Variants in GSG1L2 observed in about 807,000 individuals in gnomAD.
The protein encoded by GSG1L2 is germ cell-specific gene 1-like protein 2.
A neutral mutation model predicts 9.0 loss-of-function variants in GSG1L2; 15 were observed. That is an observed-to-expected ratio of 1.67 (90% CI 1.12 to 2.57). The LOEUF is 2.57. Among genes scored for constraint, GSG1L2 ranks in the 30% most tolerant of loss-of-function variants. The probability of loss-of-function intolerance (pLI) is 0.00; values close to 1 mark genes in which losing one functional copy is unlikely to be tolerated. For missense variants in GSG1L2, 286 were observed against 150.3 expected (o/e 1.90, Z -4.72); for synonymous variants, 127 against 57.9 (o/e 2.19, Z -5.41).
chr17:9,806,951 G>A (rs2066518288), intron 4 of GSG1L2, among the ~76,000 whole-genome samples: 1 of 152,186 alleles, frequency 6.6e-6, no homozygotes, highest in Non-Finnish European at 1.5e-5. Flanking sequence ...TTACAAAGAG[G>A]AAAGTAACAT....
At chr17:9,811,196 A>G (rs2066537668) in intron 1 of GSG1L2, 1 of 152,610 alleles carries the variant, frequency 6.6e-6, no homozygotes, top group Non-Finnish European at 1.5e-5. Context: ...GGAAATGATC[A>G]AAGTTCGCAA....
intron 1 of GSG1L2, among the ~76,000 whole-genome samples, chr17:9,811,853 C>A (rs1384932334): frequency 6.6e-6 from 1 of 152,152 alleles, no homozygotes; most frequent in Non-Finnish European, 1.5e-5. Flanking sequence ...AGGAAAGGTG[C>A]CGGGGGTGCA....
rs1433170141 is a variant in GSG1L2 at position 9,802,583 on chromosome 17, T to C, written c.685A>G (p.Thr229Ala). The part of the protein sequence containing the change: ...AVSVSAMSRF[T>A]AARLEFTEKQ... ...TCGGTGAATTCCAGGCGGGCTGCCG[T>C]GAACCTGCTCATGGCCGAGACCGAC... The change falls in exon 5 of 5, where the codon ACG becomes GCG. Residue 229 changes from threonine (T) to alanine (A), a missense_variant. By Grantham distance (58) the Thr-to-Ala change is moderately conservative. Transcript: ENST00000399363. 3 of 701,932 alleles carry C rather than the reference T, an allele frequency of 4.3e-6. No individual in the cohort carries two copies. The highest frequency in any genetic ancestry group is 7.8e-6 in the Non-Finnish European group (3 of 384,712). 43.5% of individuals were successfully genotyped at this position (701,932 alleles called of 1,614,324 possible). A position where few individuals can be genotyped will look rare whatever the true frequency, so the allele number is the denominator to read the frequency against.
At chr17:9,819,259 A>G (rs1256318406) in intron 1 of GSG1L2, among the ~76,000 whole-genome samples, 1 of 152,268 alleles carries the variant, frequency 6.6e-6, no homozygotes, top group African/African-American at 2.4e-5. Context: ...CTTTGATGCT[A>G]TAATGAACAA....
chr17:9,815,475 TA>T (rs1359141999), intron 1 of GSG1L2, among the ~76,000 whole-genome samples: 1 of 152,134 alleles, frequency 6.6e-6, no homozygotes, highest in African/African-American at 2.4e-5. Context: ...TAATCCTTAT[TA>T]AAAAAATCTC....
At position 9,801,029 on chromosome 17, in the gene GSG1L2, A is replaced by AT. The variant is rs953088756; in HGVS notation, c.*1356dup. On this transcript the variant is annotated 3_prime_UTR_variant, in exon 5 of 5. Coordinates refer to ENST00000399363, the MANE Select transcript of GSG1L2 (RefSeq NM_001310219.2). ...GAGCCACAAACACGAAGGTAGCTGG[A>AT]TTTTTTTTTTCATTTTTTTTATGAC... Among the ~76,000 whole-genome samples the AT allele has an allele frequency of 2.8e-3, 425 of 150,456 alleles. 1 individual carries two copies. Among genetic ancestry groups the AT allele is most frequent in the Middle Eastern group, 0.021 (6 of 290 alleles).
intron 4 of GSG1L2, among the ~76,000 whole-genome samples, chr17:9,802,905 G>A (rs1411219633): frequency 6.6e-6 from 1 of 152,106 alleles, no homozygotes; most frequent in African/African-American, 2.4e-5. Context: ...TGAGCTGGTT[G>A]CTTTACCTCT....
At chr17:9,810,892 C>T (rs542578219) in intron 1 of GSG1L2, 5 of 483,038 alleles carry the variant, frequency 1.0e-5, no homozygotes, top group Non-Finnish European at 1.8e-5. Context: ...TCCCTTGGTT[C>T]CTGTTCCCTT....
rs377057350 is a variant in GSG1L2, at chr17:9,818,501, A to ATTTTTTTTTTTTTTT, written c.310+3246_310+3260dup. 2.2e-4 allele frequency among the ~76,000 whole-genome samples: 18 copies of ATTTTTTTTTTTTTTT among 82,800 alleles called. 1 individual carries two copies. The highest frequency in any genetic ancestry group is 3.8e-4 in the East Asian group (1 of 2,640). 54.3% of individuals were successfully genotyped at this position (82,800 alleles called of 152,430 possible). ...GGTGCACACCACCACACACAGCTAA[A>ATTTTTTTTTTTTTTT]TTTTTTTTTTTTTTTTTTTTTTTTT... On this transcript the variant is annotated intron_variant, in intron 1 of 4. Transcript: ENST00000399363.
At chr17:9,815,905 C>T (rs913299628) in intron 1 of GSG1L2, among the ~76,000 whole-genome samples, 10 of 152,060 alleles carry the variant, frequency 6.6e-5, no homozygotes, top group Non-Finnish European at 1.2e-4. Context: ...GCTGTGCTCT[C>T]GTGAATGGAT....
Position 9,821,872 on chromosome 17 carries a change from T to C in GSG1L2, c.200A>G (p.Asn67Ser), listed in dbSNP as rs1413647294. Residue 67 changes from asparagine to serine, a missense_variant, in exon 1 of 5, where the codon AAC (asparagine) becomes AGC (serine). Physicochemically the swap from Asn to Ser is conservative, Grantham distance 46. Transcript: ENST00000399363. ...RDNSSNGRMDNNSQAVLYIWE... is the reference protein window; with the variant it reads ...RDNSSNGRMDSNSQAVLYIWE... The stretch of plus-strand genomic sequence containing the variant: ...AATGTACAGGACAGCCTGGCTATTG[T>C]TGTCCATCCTGCCATTGCTGCTGTT... The C allele has an allele frequency of 2.8e-6, 2 of 703,324 alleles. No homozygotes were observed. Among genetic ancestry groups the C allele is most frequent in the South Asian group, 1.5e-5 (1 of 67,608 alleles). 43.6% of individuals were successfully genotyped at this position (703,324 alleles called of 1,614,324 possible).
Position 9,810,556 on chromosome 17 carries a change from G to A in GSG1L2, c.358+15C>T, listed in dbSNP as rs1177299789. The A allele has an allele frequency of 1.4e-6, 1 of 702,974 alleles. No homozygotes were observed. The highest frequency in any genetic ancestry group is 2.6e-6 in the Non-Finnish European group (1 of 385,014). The allele number at this position is 702,974 out of a possible 1,614,324, so 43.5% of individuals were successfully genotyped here. A position where few individuals can be genotyped will look rare whatever the true frequency, so the allele number is the denominator to read the frequency against. On this transcript the variant is annotated intron_variant, in intron 2 of 4. Transcript: ENST00000399363. ...TGAGGAGTGCTAGTGGGCAGAGTGT[G>A]AGTAAGGTATTTACCTTGTTCTTCA...
intron 1 of GSG1L2, among the ~76,000 whole-genome samples, chr17:9,811,613 C>G (rs2066539022): frequency 3.9e-5 from 6 of 152,218 alleles, no homozygotes; most frequent in Admixed American, 3.9e-4. Flanking sequence ...GTCCTGCACT[C>G]TCTCTACTAA....
chr17:9,818,920 C>T (rs776217877), intron 1 of GSG1L2, among the ~76,000 whole-genome samples: 3 of 152,146 alleles, frequency 2.0e-5, no homozygotes, highest in Non-Finnish European at 4.4e-5. Flanking sequence ...TGGATCCTTG[C>T]TCTCAGCACT....
intron 4 of GSG1L2, among the ~76,000 whole-genome samples, chr17:9,806,848 C>G (rs146728632): frequency 6.6e-6 from 1 of 152,332 alleles, no homozygotes; most frequent in Non-Finnish European, 1.5e-5. Context: ...ACTCTAACAA[C>G]TCACGAAGCA....
intron 3 of GSG1L2, among the ~76,000 whole-genome samples, chr17:9,808,396 C>T (rs3915890): frequency 0.5 from 75,768 of 151,994 alleles, 19,052 homozygotes; most frequent in Middle Eastern, 0.58. Context: ...ACTAGGTGCA[C>T]TCTTATTTAG....
At chr17:9,809,407 G>A in intron 2 of GSG1L2, 1 of 203,128 alleles carries the variant, frequency 4.9e-6, no homozygotes. Flanking sequence ...GACCCAAAGA[G>A]TGAGCGGTAG....
rs554086696 is a variant in GSG1L2 at position 9,810,813 on chromosome 17, C to T, written c.311-195G>A. The T allele has an allele frequency of 5.1e-6, 3 of 584,628 alleles. No individual in the cohort carries two copies. The East Asian group carries it at 8.5e-5, about 17-fold the overall frequency. The allele number at this position is 584,628 out of a possible 1,614,324, so 36.2% of individuals were successfully genotyped here. On this transcript the variant is annotated intron_variant, in intron 1 of 4. Coordinates refer to ENST00000399363, the MANE Select transcript of GSG1L2 (RefSeq NM_001310219.2). ...ATTGGACTCTGGCTTGGCCACGTAA[C>T]ACTCTTTGACCAATGAACTGGGAGC...
intron 3 of GSG1L2, among the ~76,000 whole-genome samples, chr17:9,808,310 A>T (rs1163260121): frequency 1.3e-5 from 2 of 152,130 alleles, no homozygotes; most frequent in Non-Finnish European, 2.9e-5. Flanking sequence ...AAAAAAAAGG[A>T]GTTCTTTATT....
Sources: allele counts gnomAD v4.1 joint callset (sites outside exome capture counted in the v4.1 genomes callset), GRCh38; gene constraint gnomAD v4.1.1; transcripts MANE v1.5; gene names NCBI Gene and HGNC (gene_info 2026-07-23, HGNC 2026-07-21).